The following ALK variants were observed in gnomAD, a reference collection of about 807,000 sequenced individuals.
The protein encoded by ALK is ALK receptor tyrosine kinase.
In ALK, 74 loss-of-function variants were observed where a neutral mutation model predicts 163.1. That is an observed-to-expected ratio of 0.45 (90% CI 0.38 to 0.55). The LOEUF is 0.55. Ranked by LOEUF, ALK falls within the 20% of genes least tolerant of loss-of-function variation. The probability of loss-of-function intolerance (pLI) is 0.00; values close to 1 mark genes in which losing one functional copy is unlikely to be tolerated. For missense variants in ALK, 2,063 were observed against 2,105.3 expected, an observed-to-expected ratio of 0.98 and a Z score of 0.39; for synonymous variants, 960 against 843.2, an observed-to-expected ratio of 1.14 and a Z score of -2.40.
At position 29,326,974 on chromosome 2, in the gene ALK, C is replaced by G. The variant is rs76630333; in HGVS notation, c.1414+1376G>C. Among the ~76,000 whole-genome samples, 776 of 152,332 alleles carry G rather than the reference C, an allele frequency of 5.1e-3. 8 individuals are homozygous for G. Among genetic ancestry groups the G allele is most frequent in the African/African-American group, 0.018 (747 of 41,562 alleles). On this transcript the variant is annotated intron_variant, in intron 6 of 28. Transcript: ENST00000389048. ...TCCCCAGTCCAGGCTCCATTTCACT[C>G]CCGCCCCTGTGTGAAGCTTTCAGTG...
chr2:29,524,305 G>A (rs1191538450), intron 4 of ALK, among the ~76,000 whole-genome samples: 1 of 152,194 alleles, frequency 6.6e-6, no homozygotes, highest in Non-Finnish European at 1.5e-5. Context: ...AGAATTAGAT[G>A]ACCAAATTTC....
At chr2:29,759,113 C>T (rs942784876) in intron 1 of ALK, among the ~76,000 whole-genome samples, 2 of 152,190 alleles carry the variant, frequency 1.3e-5, no homozygotes, top group African/African-American at 4.8e-5. Context: ...CCCTGCTTGT[C>T]AGTCTCTCCT....
intron 1 of ALK, 83 bp downstream of exon 1, chr2:29,919,910 T>C: frequency 1.3e-6 from 2 of 1,508,094 alleles, no homozygotes; most frequent in East Asian, 2.3e-5. Flanking sequence ...GAAAGTGGGG[T>C]GGAAGTGAAG....
intron 1 of ALK, among the ~76,000 whole-genome samples, chr2:29,917,057 T>G (rs912860317): frequency 4.6e-5 from 7 of 152,212 alleles, no homozygotes; most frequent in African/African-American, 1.7e-4. Context: ...CATCTTTCTG[T>G]CCTCTCAGAC....
intron 1 of ALK, among the ~76,000 whole-genome samples, chr2:29,894,428 T>C (rs1338031961): frequency 6.6e-6 from 1 of 152,054 alleles, no homozygotes; most frequent in Non-Finnish European, 1.5e-5. Context: ...ATCCCCCACG[T>C]GGCATTGCTG....
At position 29,206,138 on chromosome 2, in the gene ALK, C is replaced by T. The variant is rs373046856; in HGVS notation, c.3938+1033G>A. Among the ~76,000 whole-genome samples, 9 of 152,242 alleles carry T rather than the reference C, an allele frequency of 5.9e-5. No homozygotes were observed. The South Asian group carries it at 1.9e-3, about 32-fold the overall frequency. ...CCACAGGATTTACTTATTCCTTAAA[C>T]AGACCTTTCATGAATTTTCCTGTTT... On this transcript the variant is annotated intron_variant, in intron 26 of 28. Transcript: ENST00000389048.
intron 4 of ALK, among the ~76,000 whole-genome samples, chr2:29,509,887 GT>G (rs554653549): frequency 2.3e-3 from 351 of 152,284 alleles, no homozygotes; most frequent in African/African-American, 8.2e-3. Context: ...TCGAAAGGTA[GT>G]TTTTAGGTTT....
chr2:29,328,108 G>A (rs939046192), intron 6 of ALK, among the ~76,000 whole-genome samples: 1 of 152,216 alleles, frequency 6.6e-6, no homozygotes, highest in Non-Finnish European at 1.5e-5. Context: ...TGAGGATGCT[G>A]ATAGCATCAC....
At chr2:29,913,944 C>T (rs574075245) in intron 1 of ALK, among the ~76,000 whole-genome samples, 3 of 152,280 alleles carry the variant, frequency 2.0e-5, no homozygotes, top group Non-Finnish European at 2.9e-5. Context: ...AGCCCAGTGC[C>T]TCTAGACCTG....
At chr2:29,789,575 G>A (rs1420285420) in intron 1 of ALK, among the ~76,000 whole-genome samples, 1 of 152,182 alleles carries the variant, frequency 6.6e-6, no homozygotes, top group African/African-American at 2.4e-5. Flanking sequence ...ATGCCAGCCT[G>A]GATTAAAACC....
chr2:29,677,607 C>A (rs1677924469), intron 3 of ALK, among the ~76,000 whole-genome samples: 1 of 151,918 alleles, frequency 6.6e-6, no homozygotes, highest in South Asian at 2.1e-4. Context: ...GATATTAAAC[C>A]AACCTTGCAA....
chr2:29,314,794 G>A (rs961034977), intron 8 of ALK, among the ~76,000 whole-genome samples: 3 of 152,144 alleles, frequency 2.0e-5, no homozygotes, highest in African/African-American at 4.8e-5. Flanking sequence ...CAAACCACAC[G>A]GGGCTTGTTG....
Position 29,306,968 on chromosome 2 carries a change from G to T in ALK, c.1648-9911C>A, listed in dbSNP as rs1434081594. On this transcript the variant is annotated intron_variant, in intron 8 of 28. Transcript: ENST00000389048. ...TCCTGCCTCTCGGAAGGGACTGATA[G>T]ACTTTCCAATTATGTGGTACCAGTG... 4.6e-5 allele frequency among the ~76,000 whole-genome samples: 7 copies of T among 152,352 alleles called. No individual in the cohort carries two copies. In the South Asian group the frequency reaches 1.4e-3, roughly 32 times the overall value.
chr2:29,718,789 A>G (rs1241250849), intron 1 of ALK, among the ~76,000 whole-genome samples: 4 of 152,222 alleles, frequency 2.6e-5, no homozygotes, highest in Admixed American at 6.5e-5. Flanking sequence ...TCTATGGTGA[A>G]TGGGCTGACC....
At chr2:29,743,337 T>C (rs1680113946) in intron 1 of ALK, among the ~76,000 whole-genome samples, 1 of 152,210 alleles carries the variant, frequency 6.6e-6, no homozygotes, top group Admixed American at 6.5e-5. Flanking sequence ...AAGCCAGCCC[T>C]TTTCAGACTG....
At chr2:29,221,851 A>G (rs1393200106) in intron 22 of ALK, among the ~76,000 whole-genome samples, 2 of 152,182 alleles carry the variant, frequency 1.3e-5, no homozygotes, top group Admixed American at 1.3e-4. Context: ...CTCAGGAGCC[A>G]TAGGCACTGA....
intron 4 of ALK, among the ~76,000 whole-genome samples, chr2:29,523,355 C>T (rs538934728): frequency 1.2e-3 from 181 of 152,332 alleles, no homozygotes; most frequent in Non-Finnish European, 2.0e-3. Context: ...CACCCCTTTC[C>T]TTATGGCCTC....
At chr2:29,259,139 CAT>C (rs1227168641) in intron 11 of ALK, among the ~76,000 whole-genome samples, 3 of 152,140 alleles carry the variant, frequency 2.0e-5, no homozygotes, top group Non-Finnish European at 2.9e-5. Context: ...CTCAGAAACA[CAT>C]GTGATAGTTG....
At chr2:29,368,919 A>G (rs1455897218) in intron 5 of ALK, among the ~76,000 whole-genome samples, 9 of 152,220 alleles carry the variant, frequency 5.9e-5, no homozygotes, top group Non-Finnish European at 1.2e-4. Flanking sequence ...ATATGATTTT[A>G]CTGAAGACTA....
Sources: gnomAD v4.1 joint callset for allele counts (sites outside exome capture counted in the v4.1 genomes callset) on GRCh38, gnomAD v4.1.1 for gene constraint, MANE v1.5 for transcripts, NCBI Gene and HGNC (gene_info 2026-07-23, HGNC 2026-07-21) for gene names.